PHF24: variants seen among roughly 807,000 people sequenced by gnomAD.
PHF24 encodes PHD finger protein 24, also known as Galpha inhibitory interacting protein.
A neutral mutation model predicts 42.6 loss-of-function variants in PHF24; 25 were observed. That is an observed-to-expected ratio of 0.59 (90% CI 0.43 to 0.82). The LOEUF (loss-of-function observed/expected upper bound fraction) is 0.82. PHF24 is among the 40% of genes least tolerant of loss of function. PHF24 has a pLI of 0.00. For missense variants in PHF24, 470 were observed against 538.1 expected (o/e 0.87, Z 1.25); for synonymous variants, 185 against 204.8 (o/e 0.90, Z 0.83).
the PHF24 span, among the ~76,000 whole-genome samples, chr9:34,815,618 G>A: frequency 6.6e-6 from 1 of 152,174 alleles, no homozygotes; most frequent in African/African-American, 2.4e-5. Flanking sequence ...TACCATGCCT[G>A]GCCCCCTTCC....
At chr9:34,802,374 C>T in the PHF24 span, among the ~76,000 whole-genome samples, 1 of 150,678 alleles carries the variant, frequency 6.6e-6, no homozygotes. Flanking sequence ...TGACCCAGGT[C>T]ATTCCAATCA....
At chr9:34,879,991 C>T in the PHF24 span, among the ~76,000 whole-genome samples, 1 of 152,242 alleles carries the variant, frequency 6.6e-6, no homozygotes, top group Admixed American at 6.5e-5. Context: ...ATCAGACTAA[C>T]AGCAGATATC....
the PHF24 span, among the ~76,000 whole-genome samples, chr9:34,747,345 G>C: frequency 6.6e-6 from 1 of 152,102 alleles, no homozygotes; most frequent in South Asian, 2.1e-4. Flanking sequence ...GAGCCCAGGA[G>C]CTCAAGGCTG....
At chr9:34,721,672 A>G in the PHF24 span, among the ~76,000 whole-genome samples, 16 of 152,046 alleles carry the variant, frequency 1.1e-4, no homozygotes, top group African/African-American at 3.6e-4. Flanking sequence ...CGGCCTCCCA[A>G]AGTGCCAGGA....
chr9:34,822,695 T>TA, the PHF24 span, among the ~76,000 whole-genome samples: 2 of 152,148 alleles, frequency 1.3e-5, no homozygotes, highest in African/African-American at 4.8e-5. Context: ...GGACCTTGTT[T>TA]AAAAAACAGA....
chr9:34,884,436 A>G, the PHF24 span, among the ~76,000 whole-genome samples: 1 of 152,206 alleles, frequency 6.6e-6, no homozygotes, highest in African/African-American at 2.4e-5. Flanking sequence ...AGCTTTTTGG[A>G]CTACTGTGTT....
chr9:34,729,455 A>G, the PHF24 span: 1,020,072 of 1,530,868 alleles, frequency 0.67, 342,491 homozygotes, highest in South Asian at 0.79. Flanking sequence ...CATGAGATCA[A>G]CCATCCCTCT....
chr9:34,863,692 C>A, the PHF24 span, among the ~76,000 whole-genome samples: 1 of 152,208 alleles, frequency 6.6e-6, no homozygotes, highest in African/African-American at 2.4e-5. Context: ...CAAGCCCAGA[C>A]TGCAGAGACT....
the PHF24 span, among the ~76,000 whole-genome samples, chr9:34,785,332 G>A: frequency 3.9e-5 from 6 of 152,316 alleles, no homozygotes; most frequent in African/African-American, 1.4e-4. Context: ...GAGCCTTCAT[G>A]ACTTAATCAC....
intron 1 of PHF24, among the ~76,000 whole-genome samples, chr9:34,969,641 A>AG (rs11391141): frequency 0.028 from 3,548 of 125,026 alleles, 145 homozygotes; most frequent in African/African-American, 0.1. Flanking sequence ...ACTCTGTCTC[A>AG]AAAAAAAAAA....
the PHF24 span, among the ~76,000 whole-genome samples, chr9:34,862,916 G>T: frequency 3.3e-5 from 5 of 152,076 alleles, no homozygotes; most frequent in Admixed American, 6.5e-5. Context: ...GGAGCCTACT[G>T]CCCTGAAGGG....
At chr9:34,839,092 T>G in the PHF24 span, among the ~76,000 whole-genome samples, 105 of 152,308 alleles carry the variant, frequency 6.9e-4, no homozygotes, top group Non-Finnish European at 1.3e-3. Flanking sequence ...ATCTATCCAG[T>G]CTGTGTGGCC....
the PHF24 span, chr9:34,833,868 C>G: frequency 2.5e-5 from 39 of 1,550,942 alleles, no homozygotes; most frequent in African/African-American, 4.9e-4. Context: ...GGCTCCATCT[C>G]TGTGATGACA....
the PHF24 span, among the ~76,000 whole-genome samples, chr9:34,735,348 GC>G: frequency 0.021 from 3,164 of 150,944 alleles, 102 homozygotes; most frequent in African/African-American, 0.072. Flanking sequence ...TATTGGCCAG[GC>G]AGGTCTTGAA....
chr9:34,671,358 CAGGT>C, the PHF24 span, among the ~76,000 whole-genome samples: 1 of 152,192 alleles, frequency 6.6e-6, no homozygotes, highest in African/African-American at 2.4e-5. Context: ...TTATTACTCT[CAGGT>C]AGGCAGCAAG....
the PHF24 span, among the ~76,000 whole-genome samples, chr9:34,912,794 T>C: frequency 1.3e-5 from 2 of 152,178 alleles, no homozygotes; most frequent in Non-Finnish European, 2.9e-5. Context: ...GTACACAAAA[T>C]GTCTAAGATT....
the PHF24 span, among the ~76,000 whole-genome samples, chr9:34,822,937 C>T: frequency 1.3e-5 from 2 of 152,018 alleles, no homozygotes; most frequent in African/African-American, 4.8e-5. Flanking sequence ...TGGCTCACGC[C>T]TGTAGTCCCA....
At chr9:34,690,434 G>GTGTGTA in the PHF24 span, 2 of 718,224 alleles carry the variant, frequency 2.8e-6, no homozygotes, top group Non-Finnish European at 4.5e-6. Flanking sequence ...CTGTGTGTGT[G>GTGTGTA]TGTGTGTGTG....
At chr9:34,809,138 C>T in the PHF24 span, among the ~76,000 whole-genome samples, 1 of 151,690 alleles carries the variant, frequency 6.6e-6, no homozygotes, top group African/African-American at 2.4e-5. This position sits in a 1 kb window ranked among gnomAD's most constrained non-coding sequence, Gnocchi z 4.1. Context: ...ACAGTAAGGA[C>T]AAAATGAGTT....
Sources: allele counts gnomAD v4.1 joint callset (sites outside exome capture counted in the v4.1 genomes callset), GRCh38; gene constraint gnomAD v4.1.1; non-coding constraint Gnocchi (gnomAD v3.1); transcripts MANE v1.5; gene names NCBI Gene and HGNC (gene_info 2026-07-23, HGNC 2026-07-21).